Variants in APC observed in about 807,000 individuals in gnomAD.
The protein encoded by APC is APC regulator of Wnt signaling pathway.
Under a neutral mutation model 247.0 loss-of-function variants are expected in APC, and 72 were observed. The observed-to-expected ratio is 0.29, with a 90% CI of 0.24 to 0.35. The LOEUF (loss-of-function observed/expected upper bound fraction) is 0.35, where lower values mean the gene tolerates loss of function less well. Among genes scored for constraint, APC ranks in the 10% least tolerant of loss-of-function variants. The pLI is 1.00. For missense variants in APC, 3,400 were observed against 3,360.7 expected (o/e 1.01, Z -0.29); for synonymous variants, 1,254 against 1,162.5 (o/e 1.08, Z -1.60).
At chr5:112,720,630 C>T (rs1326461713) in intron 1 of APC, among the ~76,000 whole-genome samples, 3 of 152,116 alleles carry the variant, frequency 2.0e-5, no homozygotes, top group Admixed American at 6.5e-5. Context: ...TGAAGTAGGT[C>T]GTCAGCAAAG....
rs2149869135 is a variant in APC at position 112,838,023 on chromosome 5, G to A, written c.2429G>A (p.Arg810Lys). Residue 810 changes from arginine (R) to lysine (K), a missense_variant, in exon 16 of 16, where the codon AGG becomes AAG. Physicochemically the swap from Arg to Lys is conservative, Grantham distance 26. Coordinates refer to ENST00000257430, the MANE Select transcript of APC (RefSeq NM_000038.6). ...VFDTNRHDDN[R>K]SDNFNTGNMT... is the part of the protein sequence containing the mutation. ...GACACCAATCGACATGATGATAATA[G>A]GTCAGACAATTTTAATACTGGCAAC... 1 of 1,614,022 alleles carries A rather than the reference G, an allele frequency of 6.2e-7. No individual in the cohort carries two copies. The highest frequency in any genetic ancestry group is 8.5e-7 in the Non-Finnish European group (1 of 1,180,006).
intron 1 of APC, 64 bp downstream of exon 1, chr5:112,737,989 C>T (rs927725584): frequency 5.3e-5 from 50 of 947,544 alleles, no homozygotes; most frequent in Middle Eastern, 1.1e-3. Context: ...GGTTTTCCCT[C>T]GCACTGTCTT....
intron 4 of APC, among the ~76,000 whole-genome samples, chr5:112,770,885 C>T (rs1380605415): frequency 6.6e-6 from 1 of 152,060 alleles, no homozygotes; most frequent in African/African-American, 2.4e-5. Context: ...TATATAAGTT[C>T]TATTTCTTGT....
At chr5:112,728,881 G>A (rs1424437393) in intron 1 of APC, among the ~76,000 whole-genome samples, 1 of 151,962 alleles carries the variant, frequency 6.6e-6, no homozygotes, top group Non-Finnish European at 1.5e-5. Context: ...CTTTTTATTT[G>A]AAATACTTAG....
intron 8 of APC, among the ~76,000 whole-genome samples, chr5:112,807,479 C>A (rs1580478561): frequency 6.6e-6 from 1 of 151,134 alleles, no homozygotes; most frequent in African/African-American, 2.4e-5. Context: ...ATATCTTTTC[C>A]TATCTATATG....
At chr5:112,719,166 T>G (rs1581022453) in intron 1 of APC, among the ~76,000 whole-genome samples, 1 of 152,276 alleles carries the variant, frequency 6.6e-6, no homozygotes, top group Middle Eastern at 3.4e-3. Context: ...AATTTGTCTT[T>G]TAGTATTTTT....
intron 1 of APC, among the ~76,000 whole-genome samples, chr5:112,716,034 A>T (rs1245819393): frequency 6.6e-6 from 1 of 151,984 alleles, no homozygotes; most frequent in Non-Finnish European, 1.5e-5. Flanking sequence ...TTCACCAGAG[A>T]TCAGTAGTCT....
At chr5:112,798,870 A>G (rs1410710369) in intron 7 of APC, among the ~76,000 whole-genome samples, 2 of 152,160 alleles carry the variant, frequency 1.3e-5, no homozygotes, top group East Asian at 3.9e-4. Flanking sequence ...ATGTGACTGA[A>G]AACAAGTTAC....
At chr5:112,716,113 C>T (rs1751157065) in intron 1 of APC, among the ~76,000 whole-genome samples, 1 of 152,008 alleles carries the variant, frequency 6.6e-6, no homozygotes, top group South Asian at 2.1e-4. Flanking sequence ...TTAATTTCTG[C>T]TTCTTATTTC....
intron 13 of APC, 110 bp downstream of exon 13, chr5:112,828,116 A>C (rs558504812): frequency 4.6e-6 from 4 of 866,852 alleles, no homozygotes; most frequent in Middle Eastern, 3.3e-4. Flanking sequence ...GCTCACTGCA[A>C]CCTCTGCCTC....
intron 1 of APC, among the ~76,000 whole-genome samples, chr5:112,723,326 G>C (rs150619267): frequency 1.2e-3 from 182 of 152,194 alleles, no homozygotes; most frequent in Non-Finnish European, 1.9e-3. Flanking sequence ...GTTGGGCATG[G>C]TGGTGCAGCC....
chr5:112,797,816 A>G (rs1386542422), intron 7 of APC, among the ~76,000 whole-genome samples: 1 of 152,206 alleles, frequency 6.6e-6, no homozygotes, highest in East Asian at 1.9e-4. Context: ...ATATATAGGA[A>G]TGGCAAATAA....
chr5:112,727,282 A>T (rs1214514911), intron 1 of APC, among the ~76,000 whole-genome samples: 1 of 152,142 alleles, frequency 6.6e-6, no homozygotes, highest in Non-Finnish European at 1.5e-5. Context: ...TATACTTTTA[A>T]AAAATTCAGC....
intron 1 of APC, among the ~76,000 whole-genome samples, chr5:112,712,295 CTT>C (rs1274816533): frequency 6.6e-6 from 1 of 152,154 alleles, no homozygotes; most frequent in Non-Finnish European, 1.5e-5. Flanking sequence ...ATATGTCTAT[CTT>C]ATATATACTA....
rs558637079 is a variant in APC at position 112,746,664 on chromosome 5, C to A, written c.-18-8209C>A. 3.3e-5 allele frequency among the ~76,000 whole-genome samples: 5 copies of A among 152,194 alleles called. 1 individual carries two copies. The South Asian group carries it at 1.0e-3, about 32-fold the overall frequency. On this transcript the variant is annotated intron_variant, in intron 1 of 15. Coordinates refer to ENST00000257430, the MANE Select transcript of APC (RefSeq NM_000038.6). The stretch of plus-strand genomic sequence containing the variant: ...CCACTACTAACAAAAACTTTAAACT[C>A]AAAGGAAAATGCCTAAACATGTTTA...
At chr5:112,806,607 C>G (rs1409790625) in intron 8 of APC, among the ~76,000 whole-genome samples, 1 of 150,970 alleles carries the variant, frequency 6.6e-6, no homozygotes, top group East Asian at 1.9e-4. Context: ...GATAGGGTCT[C>G]ACTCTGTCAC....
At position 112,800,327 on chromosome 5, in the gene APC, A is replaced by G. The variant is rs189193904; in HGVS notation, c.730-952A>G. ...TTAAATTCTATAGCATGATTTTCAG[A>G]TGGTACTAATTATTCTTATATTTCT... On this transcript the variant is annotated intron_variant, in intron 7 of 15. Coordinates refer to ENST00000257430, the MANE Select transcript of APC (RefSeq NM_000038.6). 1.6e-4 allele frequency among the ~76,000 whole-genome samples: 24 copies of G among 152,298 alleles called. No individual in the cohort carries two copies. The East Asian group carries it at 3.1e-3, about 20-fold the overall frequency.
chr5:112,835,599 G>A lies in APC; in HGVS notation c.1958+434G>A, dbSNP rs563012790. Among the ~76,000 whole-genome samples, 12 of 147,450 alleles carry A rather than the reference G, an allele frequency of 8.1e-5. No homozygotes were observed. In the East Asian group the frequency reaches 2.4e-3, roughly 29 times the overall value. ...TTTTTTTTTTTTTTTTTGAGACAGGGTCTCACTCTGTCTCCCAGACTGGAG... is the reference window on the plus strand; with the variant it reads ...TTTTTTTTTTTTTTTTTGAGACAGGATCTCACTCTGTCTCCCAGACTGGAG... On this transcript the variant is annotated intron_variant, in intron 15 of 15. Transcript: ENST00000257430.
intron 1 of APC, among the ~76,000 whole-genome samples, chr5:112,717,523 T>G (rs1197628356): frequency 6.6e-6 from 1 of 152,186 alleles, no homozygotes; most frequent in Non-Finnish European, 1.5e-5. Context: ...ATGTCTTTAT[T>G]TTATCTCAGT....
Sources: allele counts gnomAD v4.1 joint callset (sites outside exome capture counted in the v4.1 genomes callset), GRCh38; gene constraint gnomAD v4.1.1; transcripts MANE v1.5; gene names NCBI Gene and HGNC (gene_info 2026-07-23, HGNC 2026-07-21).